The following CAD variants were observed in gnomAD, a reference collection of about 807,000 sequenced individuals.
CAD encodes carbamoyl-phosphate synthetase 2, aspartate transcarbamylase, and dihydroorotase.
A neutral mutation model predicts 237.2 loss-of-function variants in CAD; 81 were observed. The ratio of observed to expected loss-of-function variants is 0.34; its 90% CI spans 0.29 to 0.41. CAD has a LOEUF of 0.41. CAD is among the 10% of genes least tolerant of loss of function. The pLI is 1.00. For missense variants in CAD, 2,181 were observed against 2,951.7 expected (o/e 0.74, Z 6.05); for synonymous variants, 1,196 against 1,162.8 (o/e 1.03, Z -0.58).
rs752137421 is a variant in CAD at position 27,233,423 on chromosome 2, C to T, written c.3103C>T (p.Leu1035=). ...MALHRQQCRV[L]GTSPEAIDSA... ...GTTGCATCGGCAGCAGTGCCGGGTG[C>T]TGGGCACCTCCCCTGAAGCCATTGA... is the stretch of plus-strand genomic sequence containing the variant. Residue 1035 remains leucine (L), a synonymous_variant, in exon 20 of 44, where the codon CTG becomes TTG. Coordinates refer to ENST00000264705, the MANE Select transcript of CAD (RefSeq NM_004341.5). The surrounding 1 kb of genome is among the most constrained non-coding windows in gnomAD (Gnocchi z 6.3). 2.2e-5 allele frequency: 35 copies of T among 1,614,118 alleles called. No individual in the cohort carries two copies. The highest frequency in any genetic ancestry group is 8.5e-7 in the Non-Finnish European group (1 of 1,180,046).
intron 2 of CAD, among the ~76,000 whole-genome samples, chr2:27,219,086 A>G (rs1273983713): frequency 6.6e-6 from 1 of 152,240 alleles, no homozygotes; most frequent in Non-Finnish European, 1.5e-5. Flanking sequence ...TTATAAAACT[A>G]CAAAATTGAG....
rs779132280 is a variant in CAD, at chr2:27,241,384, C to G, written c.5871C>G (p.Leu1957=). The part of the protein sequence containing the change: ...LRMMVQKERS[L]DILKGKVMAS... Reference sequence around the variant, plus strand: ...TGATGGTGCAGAAGGAGCGGAGCCTCGACATCCTGAAGGTCAGGATCAGGG... The same window carrying G: ...TGATGGTGCAGAAGGAGCGGAGCCTGGACATCCTGAAGGTCAGGATCAGGG... The change falls in exon 38 of 44, where the codon CTC becomes CTG. Residue 1957 remains leucine (L), a synonymous_variant. Coordinates refer to ENST00000264705, the MANE Select transcript of CAD (RefSeq NM_004341.5). This position sits in a 1 kb window ranked among gnomAD's most constrained non-coding sequence, Gnocchi z 4.6. 3.7e-6 allele frequency: 6 copies of G among 1,614,068 alleles called. No individual in the cohort carries two copies. In the South Asian group the frequency reaches 6.6e-5, roughly 18 times the overall value.
At position 27,242,937 on chromosome 2, in the gene CAD, G is replaced by A; in HGVS notation, c.6444G>A (p.Gln2148=). The A allele has an allele frequency of 6.2e-7, 1 of 1,609,156 alleles. No individual in the cohort carries two copies. Among genetic ancestry groups the A allele is most frequent in the African/African-American group, 1.3e-5 (1 of 74,986 alleles). Residue 2148 remains glutamine (Q), a synonymous_variant, in exon 42 of 44, where the codon CAG becomes CAA. Coordinates refer to ENST00000264705, the MANE Select transcript of CAD (RefSeq NM_004341.5). This position sits in a 1 kb window ranked among gnomAD's most constrained non-coding sequence, Gnocchi z 6.4. ...DTDVLYMTRI[Q]KERFGSTQEY... Reference sequence around the variant, plus strand: ...ATGTGCTCTACATGACTCGAATCCAGAAGGAACGATTTGGCTCTACCCAGG... The same window carrying A: ...ATGTGCTCTACATGACTCGAATCCAAAAGGAACGATTTGGCTCTACCCAGG...
In CAD at chr2:27,224,328, C is replaced by G. The variant is rs1675326697; in HGVS notation, c.1109-17C>G. 1 of 1,614,000 alleles carries G rather than the reference C, an allele frequency of 6.2e-7. No homozygotes were observed. The highest frequency in any genetic ancestry group is 8.5e-7 in the Non-Finnish European group (1 of 1,179,900). On this transcript the variant is annotated splice_polypyrimidine_tract_variant and intron_variant, in intron 8 of 43. Coordinates refer to ENST00000264705, the MANE Select transcript of CAD (RefSeq NM_004341.5). ...CAGCTCAGCTCTAACATTCTACGAC[C>G]TTCTTTGCTTCCACAGTTAGAGAGC...
Position 27,228,650 on chromosome 2 carries a change from G to C in CAD, c.2287+1688G>C, listed in dbSNP as rs111659112. ...CTTGTTGCCCAGGCTGGAGTGCAATGGTGTGATCTCGGCTCACCACAATCT... is the reference window on the plus strand; with the variant it reads ...CTTGTTGCCCAGGCTGGAGTGCAATCGTGTGATCTCGGCTCACCACAATCT... On this transcript the variant is annotated intron_variant, in intron 15 of 43. Transcript: ENST00000264705. Among the ~76,000 whole-genome samples the C allele has an allele frequency of 3.5e-3, 533 of 152,284 alleles. 3 individuals are homozygous for C. Among genetic ancestry groups the C allele is most frequent in the African/African-American group, 0.012 (514 of 41,556 alleles).
chr2:27,240,296 G>A lies in CAD; in HGVS notation c.5528G>A (p.Gly1843Glu). ...GAAAGACCCCGCCGTGGCATCCCAG[G>A]GCTTCCTGATGGCCGCTTCCATCTG... ...TPERPRRGIP[G>E]LPDGRFHLPP... The change falls in exon 35 of 44, where the codon GGG (glycine) becomes GAG (glutamate). Residue 1843 changes from glycine to glutamate, a missense_variant. Around this residue, in one of 12 missense-constraint regions of CAD, gnomAD observed 478 missense variants for 515.0 expected, o/e 0.93. Transcript: ENST00000264705. The surrounding 1 kb of genome is among the most constrained non-coding windows in gnomAD (Gnocchi z 4.6). 1.2e-6 allele frequency: 2 copies of A among 1,613,818 alleles called. No individual in the cohort carries two copies. Among genetic ancestry groups the A allele is most frequent in the Non-Finnish European group, 1.7e-6 (2 of 1,179,980 alleles).
chr2:27,232,960 G>A lies in CAD; in HGVS notation c.2893-82G>A. The A allele has an allele frequency of 4.1e-6, 4 of 972,708 alleles. No individual in the cohort carries two copies. The highest frequency in any genetic ancestry group is 2.1e-4 in the Middle Eastern group (1 of 4,850). 60.3% of individuals were successfully genotyped at this position (972,708 alleles called of 1,614,324 possible). Reference sequence around the variant, plus strand: ...TGTGCTGGCAGTCTCTGAAGTAGGGGCTTTGGCTTAGTTTCTCCACGATTT... The same window carrying A: ...TGTGCTGGCAGTCTCTGAAGTAGGGACTTTGGCTTAGTTTCTCCACGATTT... On this transcript the variant is annotated intron_variant, in intron 18 of 43. Coordinates refer to ENST00000264705, the MANE Select transcript of CAD (RefSeq NM_004341.5). The surrounding 1 kb of genome is among the most constrained non-coding windows in gnomAD (Gnocchi z 4.1).
rs1203050075 is a variant in CAD at position 27,223,654 on chromosome 2, A to G, written c.901A>G (p.Thr301Ala). ...CCAGAACCATGGGTTTGCTGTGGAG[A>G]CAGACTCACTGCCAGCAGACTGGGC... is the stretch of plus-strand genomic sequence containing the variant. ...TSQNHGFAVETDSLPADWAPL... is the reference protein window; with the variant it reads ...TSQNHGFAVEADSLPADWAPL... Residue 301 changes from threonine (T) to alanine (A), a missense_variant, in exon 7 of 44, where the codon ACA becomes GCA. By Grantham distance (58) the Thr-to-Ala change is moderately conservative. Coordinates refer to ENST00000264705, the MANE Select transcript of CAD (RefSeq NM_004341.5). 6.2e-7 allele frequency: 1 copy of G among 1,614,078 alleles called. No homozygotes were observed. Among genetic ancestry groups the G allele is most frequent in the Non-Finnish European group, 8.5e-7 (1 of 1,180,000 alleles).
In CAD at chr2:27,242,782, C is replaced by G; in HGVS notation, c.6378+7C>G. On this transcript the variant is annotated splice_region_variant and intron_variant, in intron 41 of 43. Transcript: ENST00000264705. This position sits in a 1 kb window ranked among gnomAD's most constrained non-coding sequence, Gnocchi z 6.4. ...CTCCCGCGGCACCAAGCAGGTGAGA[C>G]CCTCACAGCCCTGCCTGGAAGCCAT... The G allele has an allele frequency of 1.9e-6, 3 of 1,614,186 alleles. No individual in the cohort carries two copies. The highest frequency in any genetic ancestry group is 2.5e-6 in the Non-Finnish European group (3 of 1,180,020).
Position 27,235,700 on chromosome 2 carries a change from G to T in CAD, c.4074+60G>T. ...CCTTCCCCAAGGGGGTGAAAATACT[G>T]CACCAAAGAATTATCTGGGCTGGGC... On this transcript the variant is annotated intron_variant, in intron 25 of 43. Transcript: ENST00000264705. The surrounding 1 kb of genome is among the most constrained non-coding windows in gnomAD (Gnocchi z 5.2). 7.1e-7 allele frequency: 1 copy of T among 1,414,902 alleles called. No homozygotes were observed. The highest frequency in any genetic ancestry group is 1.7e-5 in the Admixed American group (1 of 57,666). The allele number at this position is 1,414,902 out of a possible 1,614,324, so 87.6% of individuals were successfully genotyped here. A position where few individuals can be genotyped will look rare whatever the true frequency, so the allele number is the denominator to read the frequency against.
Position 27,237,822 on chromosome 2 carries a change from G to A in CAD, c.4668G>A (p.Lys1556=). The A allele has an allele frequency of 6.2e-7, 1 of 1,614,190 alleles. No homozygotes were observed. The highest frequency in any genetic ancestry group is 8.5e-7 in the Non-Finnish European group (1 of 1,180,036). Reference sequence around the variant, plus strand: ...TGGCCGGGTCTGCAGCCGGGCTGAAGCTTTACCTCAATGAGACCTTCTCTG... The same window carrying A: ...TGGCCGGGTCTGCAGCCGGGCTGAAACTTTACCTCAATGAGACCTTCTCTG... The part of the protein sequence containing the change: ...GTVAGSAAGL[K]LYLNETFSEL... Residue 1556 remains lysine (K), a synonymous_variant, in exon 29 of 44, where the codon AAG becomes AAA. Coordinates refer to ENST00000264705, the MANE Select transcript of CAD (RefSeq NM_004341.5). This position sits in a 1 kb window ranked among gnomAD's most constrained non-coding sequence, Gnocchi z 4.0.
At chr2:27,223,875 C>A in intron 7 of CAD, 42 bp from the exon 8 acceptor site, 1 of 1,552,730 alleles carries the variant, frequency 6.4e-7, no homozygotes, top group Non-Finnish European at 8.9e-7. Context: ...CAGTGTCATG[C>A]CAGGGACCAT....
intron 15 of CAD, among the ~76,000 whole-genome samples, chr2:27,230,323 T>C (rs980050498): frequency 6.6e-6 from 1 of 151,830 alleles, no homozygotes; most frequent in Admixed American, 6.6e-5. Flanking sequence ...GGAAATTATA[T>C]GTATGCTGTG....
Position 27,241,330 on chromosome 2 carries a change from C to G in CAD, c.5817C>G (p.His1939Gln). 6.2e-7 allele frequency: 1 copy of G among 1,614,182 alleles called. No individual in the cohort carries two copies. The highest frequency in any genetic ancestry group is 8.5e-7 in the Non-Finnish European group (1 of 1,180,030). The change falls in exon 38 of 44, where the codon CAC becomes CAG. Residue 1939 changes from histidine (H) to glutamine (Q), a missense_variant. This residue lies in a region of CAD where 203 missense variants were observed against 284.5 expected (regional missense o/e 0.71). Transcript: ENST00000264705. This position sits in a 1 kb window ranked among gnomAD's most constrained non-coding sequence, Gnocchi z 4.6. ...VQQFTKDQMS[H>Q]LFNVAHTLRM... Reference sequence around the variant, plus strand: ...CTTGGGCTCTTTCTTAGATGTCTCACCTGTTCAATGTGGCACACACACTGC... The same window carrying G: ...CTTGGGCTCTTTCTTAGATGTCTCAGCTGTTCAATGTGGCACACACACTGC...
chr2:27,233,221 C>A lies in CAD; in HGVS notation c.2991+81C>A. 6.6e-7 allele frequency: 1 copy of A among 1,516,716 alleles called. No individual in the cohort carries two copies. Among genetic ancestry groups the A allele is most frequent in the Non-Finnish European group, 9.2e-7 (1 of 1,092,842 alleles). The allele number at this position is 1,516,716 out of a possible 1,614,324, so 94.0% of individuals were successfully genotyped here. ...CTGGCTGACCTAAGATTCTTTGAAACTTGGTGGCGGCTGAGGGAAGCAGTG... is the reference window on the plus strand; with the variant it reads ...CTGGCTGACCTAAGATTCTTTGAAAATTGGTGGCGGCTGAGGGAAGCAGTG... On this transcript the variant is annotated intron_variant, in intron 19 of 43. Coordinates refer to ENST00000264705, the MANE Select transcript of CAD (RefSeq NM_004341.5). The surrounding 1 kb of genome is among the most constrained non-coding windows in gnomAD (Gnocchi z 6.3).
chr2:27,228,189 C>T (rs1675537200), intron 15 of CAD, among the ~76,000 whole-genome samples: 1 of 152,182 alleles, frequency 6.6e-6, no homozygotes, highest in Non-Finnish European at 1.5e-5. Context: ...ATGAACAACA[C>T]TTTACAGAAG....
intron 22 of CAD, 112 bp downstream of exon 22, chr2:27,234,338 A>G: frequency 8.3e-7 from 1 of 1,209,258 alleles, no homozygotes. Context: ...GTAGGCAGGG[A>G]AGCTGGAGGG....
chr2:27,243,592 A>ACT lies in CAD; in HGVS notation c.*74_*75insCT. ...GAATTCCAGTGCCTCCTACGGGGGC[A>ACT]GCACACTTAGATATTCCTGGACATC... On this transcript the variant is annotated 3_prime_UTR_variant, in exon 44 of 44. Coordinates refer to ENST00000264705, the MANE Select transcript of CAD (RefSeq NM_004341.5). 1.5e-5 allele frequency: 17 copies of ACT among 1,119,704 alleles called. No homozygotes were observed. The highest frequency in any genetic ancestry group is 2.1e-5 in the Non-Finnish European group (16 of 761,236). 69.4% of individuals were successfully genotyped at this position (1,119,704 alleles called of 1,614,324 possible). A position where few individuals can be genotyped will look rare whatever the true frequency, so the allele number is the denominator to read the frequency against.
Position 27,243,271 on chromosome 2 carries a change from T to C in CAD, c.6554T>C (p.Met2185Thr). 1 of 1,614,000 alleles carries C rather than the reference T, an allele frequency of 6.2e-7. No individual in the cohort carries two copies. Among genetic ancestry groups the C allele is most frequent in the Non-Finnish European group, 8.5e-7 (1 of 1,179,984 alleles). Residue 2185 changes from methionine (M) to threonine (T), a missense_variant, in exon 43 of 44, where the codon ATG (methionine) becomes ACG (threonine). By Grantham distance (81) the Met-to-Thr change is moderately conservative (BLOSUM62 -1). Transcript: ENST00000264705. ...AAGAAGATGGTGGTGATGCACCCGA[T>C]GCCCCGTGTCAACGAGATAAGGTGG... is the stretch of plus-strand genomic sequence containing the variant. ...AKKKMVVMHP[M>T]PRVNEISVEV... is the part of the protein sequence containing the mutation.
Sources: allele counts gnomAD v4.1 joint callset (sites outside exome capture counted in the v4.1 genomes callset), GRCh38; gene constraint gnomAD v4.1.1; regional missense constraint gnomAD v4.1.1; non-coding constraint Gnocchi (gnomAD v3.1); transcripts MANE v1.5; gene names NCBI Gene and HGNC (gene_info 2026-07-23, HGNC 2026-07-21).